EFCAB6: variants seen among roughly 807,000 people sequenced by gnomAD.
EFCAB6 encodes EF-hand calcium binding domain 6.
A neutral mutation model predicts 169.8 loss-of-function variants in EFCAB6; 156 were observed. The ratio of observed to expected loss-of-function variants is 0.92; its 90% CI spans 0.81 to 1.05. The LOEUF is 1.05. Ranked by LOEUF, EFCAB6 falls within the 50% of genes least tolerant of loss-of-function variation. The pLI, the probability that EFCAB6 is intolerant of heterozygous loss-of-function variation, is 0.00. For synonymous variants in EFCAB6, 698 were observed against 676.4 expected (o/e 1.03, Z -0.50); for missense variants, 1,800 against 1,829.1 (o/e 0.98, Z 0.29).
At chr22:43,684,634 A>G (rs926200846) in intron 11 of EFCAB6, among the ~76,000 whole-genome samples, 3 of 152,246 alleles carry the variant, frequency 2.0e-5, no homozygotes, top group African/African-American at 7.2e-5. Context: ...CTGCGTCTAT[A>G]CAGCCATCTT....
intron 2 of EFCAB6, among the ~76,000 whole-genome samples, chr22:43,791,232 G>C (rs1275430501): frequency 6.6e-6 from 1 of 152,058 alleles, no homozygotes; most frequent in Non-Finnish European, 1.5e-5. Flanking sequence ...AATGAGCCAG[G>C]TGTGGTGGTG....
At position 43,780,125 on chromosome 22, in the gene EFCAB6, A is replaced by G. The variant is rs892105337; in HGVS notation, c.139+2055T>C. Among the ~76,000 whole-genome samples the G allele has an allele frequency of 2.0e-5, 3 of 152,220 alleles. No individual in the cohort carries two copies. In the East Asian group the frequency reaches 5.8e-4, roughly 29 times the overall value. On this transcript the variant is annotated intron_variant, in intron 3 of 31. Transcript: ENST00000262726. The stretch of plus-strand genomic sequence containing the variant: ...TTAGAAATGAGCACTTGTAAGTATC[A>G]TGAGTGAGAATGTGCTAAGGTGTGA...
intron 26 of EFCAB6, among the ~76,000 whole-genome samples, chr22:43,571,675 T>C (rs2049883222): frequency 6.6e-6 from 1 of 152,204 alleles, no homozygotes; most frequent in South Asian, 2.1e-4. Flanking sequence ...GGACCTAAAC[T>C]CTGCAGCCAA....
intron 16 of EFCAB6, 34 bp downstream of exon 16, chr22:43,668,838 T>C (rs775444913): frequency 4.5e-5 from 69 of 1,537,250 alleles, no homozygotes; most frequent in Non-Finnish European, 6.1e-5. Flanking sequence ...GACACTGTGG[T>C]TTTGATATGT....
chr22:43,780,212 T>A (rs2061770889), intron 3 of EFCAB6, among the ~76,000 whole-genome samples: 1 of 151,888 alleles, frequency 6.6e-6, no homozygotes, highest in Non-Finnish European at 1.5e-5. Flanking sequence ...ACAGGCTGGG[T>A]GCGCTGGCTC....
chr22:43,793,895 T>G (rs903898609), intron 2 of EFCAB6, among the ~76,000 whole-genome samples: 2 of 152,240 alleles, frequency 1.3e-5, no homozygotes, highest in East Asian at 3.8e-4. Context: ...TTAATACCAT[T>G]GTTTTTAAAT....
chr22:43,709,245 C>T (rs1414824098), intron 10 of EFCAB6, among the ~76,000 whole-genome samples: 1 of 152,134 alleles, frequency 6.6e-6, no homozygotes, highest in Non-Finnish European at 1.5e-5. Flanking sequence ...CCATGCCCGG[C>T]TAATTTTTGC....
At chr22:43,658,183 G>C (rs9614253) in intron 17 of EFCAB6, among the ~76,000 whole-genome samples, 1 of 151,966 alleles carries the variant, frequency 6.6e-6, no homozygotes, top group South Asian at 2.1e-4. Flanking sequence ...AGTGAGTAGA[G>C]ATCGTGCCAC....
intron 26 of EFCAB6, among the ~76,000 whole-genome samples, chr22:43,564,219 G>A (rs1344466220): frequency 1.3e-5 from 2 of 152,180 alleles, no homozygotes; most frequent in East Asian, 1.9e-4. Context: ...AGGCTAAGAC[G>A]GGTGGATCAC....
chr22:43,770,915 T>A lies in EFCAB6; in HGVS notation c.351+1977A>T, dbSNP rs945754421. Among the ~76,000 whole-genome samples, 83 of 72,532 alleles carry A rather than the reference T, an allele frequency of 1.1e-3. 1 individual carries two copies. Among genetic ancestry groups the A allele is most frequent in the African/African-American group, 2.6e-3 (47 of 18,252 alleles). The allele number at this position is 72,532 out of a possible 152,430, so 47.6% of individuals were successfully genotyped here. On this transcript the variant is annotated intron_variant, in intron 4 of 31. Transcript: ENST00000262726. ...CAACAAATAGAACTGTACTTTTTTT[T>A]AATTTTAAGTCAGAAAAAAAAAAGA...
chr22:43,581,767 A>G (rs2050742867), intron 24 of EFCAB6, among the ~76,000 whole-genome samples: 3 of 152,172 alleles, frequency 2.0e-5, no homozygotes, highest in Admixed American at 2.0e-4. Flanking sequence ...AGCTTTTCCA[A>G]CCCACAGCTG....
intron 26 of EFCAB6, among the ~76,000 whole-genome samples, chr22:43,556,799 C>G (rs893462220): frequency 6.6e-6 from 1 of 152,174 alleles, no homozygotes; most frequent in Non-Finnish European, 1.5e-5. Flanking sequence ...CAAAGGCTAA[C>G]GGAGCTTCTA....
chr22:43,701,287 C>T (rs2058755894), intron 10 of EFCAB6, among the ~76,000 whole-genome samples: 1 of 152,164 alleles, frequency 6.6e-6, no homozygotes, highest in African/African-American at 2.4e-5. Context: ...TGTTCTTAGT[C>T]CAATATTTCA....
At chr22:43,645,272 G>A (rs2056082140) in intron 17 of EFCAB6, among the ~76,000 whole-genome samples, 1 of 152,242 alleles carries the variant, frequency 6.6e-6, no homozygotes, top group African/African-American at 2.4e-5. Context: ...GTAGCATGTT[G>A]CTGCCAGAAT....
At position 43,697,535 on chromosome 22, in the gene EFCAB6, C is replaced by T. The variant is rs1047625274; in HGVS notation, c.1032-9954G>A. The stretch of plus-strand genomic sequence containing the variant: ...TTCCTTTATAGTTTCCTTTATTGTC[C>T]AGTTTCCATGGCTTTTATAATCAGC... On this transcript the variant is annotated intron_variant, in intron 10 of 31. Coordinates refer to ENST00000262726, the MANE Select transcript of EFCAB6 (RefSeq NM_022785.4). Among the ~76,000 whole-genome samples the T allele has an allele frequency of 2.0e-5, 3 of 151,928 alleles. No homozygotes were observed. The East Asian group carries it at 5.8e-4, about 29-fold the overall frequency.
intron 5 of EFCAB6, among the ~76,000 whole-genome samples, chr22:43,763,363 C>T (rs2061228991): frequency 6.6e-6 from 1 of 151,950 alleles, no homozygotes; most frequent in Non-Finnish European, 1.5e-5. Flanking sequence ...TTGTGATAAA[C>T]ATGTACAAAT....
At chr22:43,573,084 T>C (rs1184982696) in intron 26 of EFCAB6, among the ~76,000 whole-genome samples, 1 of 152,142 alleles carries the variant, frequency 6.6e-6, no homozygotes. Flanking sequence ...GGATCCCTCA[T>C]CTATCAAATC....
intron 19 of EFCAB6, among the ~76,000 whole-genome samples, chr22:43,631,750 C>T (rs549093843): frequency 6.6e-6 from 1 of 152,166 alleles, no homozygotes; most frequent in Admixed American, 6.5e-5. Flanking sequence ...AAGTGTATAA[C>T]ACTTGTTTGG....
intron 26 of EFCAB6, among the ~76,000 whole-genome samples, chr22:43,576,012 G>A (rs530682793): frequency 6.6e-6 from 1 of 152,142 alleles, no homozygotes; most frequent in Non-Finnish European, 1.5e-5. Flanking sequence ...ATCATCTTCT[G>A]GGATCTAAGA....
Sources: allele counts gnomAD v4.1 joint callset (sites outside exome capture counted in the v4.1 genomes callset), GRCh38; gene constraint gnomAD v4.1.1; transcripts MANE v1.5; gene names NCBI Gene and HGNC (gene_info 2026-07-23, HGNC 2026-07-21).